C19orf67: variants seen among roughly 807,000 people sequenced by gnomAD.
C19orf67 encodes the protein UPF0575 protein C19orf67.
C19orf67 carries 28 observed loss-of-function variants against 41.4 expected under a neutral mutation model. The ratio of observed to expected loss-of-function variants is 0.68; its 90% CI spans 0.50 to 0.93. The LOEUF is 0.93. C19orf67 is among the 40% of genes least tolerant of loss of function. C19orf67 has a pLI of 0.00. For missense variants in C19orf67, 421 were observed against 467.0 expected, an observed-to-expected ratio of 0.90 and a Z score of 0.91; for synonymous variants, 242 against 203.4, an observed-to-expected ratio of 1.19 and a Z score of -1.62.
In C19orf67 at chr19:14,083,512, G is replaced by T. The variant is rs1283142621; in HGVS notation, c.574C>A (p.Pro192Thr). The T allele has an allele frequency of 6.5e-7, 1 of 1,535,738 alleles. No individual in the cohort carries two copies. The highest frequency in any genetic ancestry group is 8.7e-7 in the Non-Finnish European group (1 of 1,146,756). Residue 192 changes from proline (P) to threonine (T), a missense_variant, in exon 3 of 6, where the codon CCC becomes ACC. Pro to Thr is a conservative substitution (Grantham distance 38). Around this residue, in one of 3 missense-constraint regions of C19orf67, gnomAD observed 253 missense variants for 307.0 expected, o/e 0.82. Transcript: ENST00000548523. ...AGTCTCCTACCATTTTACCTAAGGGGGTTCATCTCCTCCAGGTCCACGAAC... is the reference window on the plus strand; with the variant it reads ...AGTCTCCTACCATTTTACCTAAGGGTGTTCATCTCCTCCAGGTCCACGAAC... ...FGFVDLEEMN[P>T]LSISCFFCGR... is the part of the protein sequence containing the mutation.
Position 14,085,492 on chromosome 19 carries a change from G to T in C19orf67, c.136C>A (p.Pro46Thr), listed in dbSNP as rs143750292. 5 of 1,535,350 alleles carry T rather than the reference G, an allele frequency of 3.3e-6. No individual in the cohort carries two copies. The highest frequency in any genetic ancestry group is 4.4e-6 in the Non-Finnish European group (5 of 1,146,768). ...GCATCTTCAGGATCCGGCTCAGATG[G>T]GTTCCCAGGCCTGCCAGGGGGCGTC... ...RSTPPGRPGNPSEPDPEDAEG... is the reference protein window; with the variant it reads ...RSTPPGRPGNTSEPDPEDAEG... Residue 46 changes from proline to threonine, a missense_variant, in exon 1 of 6, where the codon CCA (proline) becomes ACA (threonine). Transcript: ENST00000548523.
Position 14,081,776 on chromosome 19 carries a change from G to GC in C19orf67, c.*57dup. The GC allele has an allele frequency of 3.0e-6, 4 of 1,354,288 alleles. No individual in the cohort carries two copies. Among genetic ancestry groups the GC allele is most frequent in the Admixed American group, 2.9e-5 (1 of 34,124 alleles). The allele number at this position is 1,354,288 out of a possible 1,614,324, so 83.9% of individuals were successfully genotyped here. ...GCGAGAACGAGTGAGCCCCTCCCCT[G>GC]CCCCCTATTCTGGAGTTTGGAACTG... is the stretch of plus-strand genomic sequence containing the variant. On this transcript the variant is annotated 3_prime_UTR_variant, in exon 6 of 6. Coordinates refer to ENST00000548523, the MANE Select transcript of C19orf67 (RefSeq NM_001277378.2).
chr19:14,083,290 G>A lies in C19orf67; in HGVS notation c.714C>T (p.His238=), dbSNP rs778631445. 3.8e-5 allele frequency: 58 copies of A among 1,535,956 alleles called. No individual in the cohort carries two copies. The highest frequency in any genetic ancestry group is 3.2e-4 in the South Asian group (27 of 84,062). The change falls in exon 4 of 6, where the codon CAC becomes CAT. Residue 238 remains histidine (H), a synonymous_variant. Coordinates refer to ENST00000548523, the MANE Select transcript of C19orf67 (RefSeq NM_001277378.2). Reference sequence around the variant, plus strand: ...CAGGGGCCTCTGGGGTGGCTTCCAGGTGCCAGCGCATCTTCTTATAGAGGT... The same window carrying A: ...CAGGGGCCTCTGGGGTGGCTTCCAGATGCCAGCGCATCTTCTTATAGAGGT... ...PRYLYKKMRW[H]LEATPEAPGR... is the part of the protein sequence containing the mutation.
At position 14,083,276 on chromosome 19, in the gene C19orf67, G is replaced by A; in HGVS notation, c.728C>T (p.Pro243Leu). Residue 243 changes from proline (P) to leucine (L), a missense_variant, in exon 4 of 6, where the codon CCA becomes CTA. Pro to Leu is a moderately conservative substitution (Grantham distance 98). Coordinates refer to ENST00000548523, the MANE Select transcript of C19orf67 (RefSeq NM_001277378.2). ...ATCTTGTCCCCGACCAGGGGCCTCT[G>A]GGGTGGCTTCCAGGTGCCAGCGCAT... ...KKMRWHLEATPEAPGRGQDSL... is the reference protein window; with the variant it reads ...KKMRWHLEATLEAPGRGQDSL... 6.5e-7 allele frequency: 1 copy of A among 1,536,060 alleles called. No homozygotes were observed. Among genetic ancestry groups the A allele is most frequent in the Non-Finnish European group, 8.7e-7 (1 of 1,146,906 alleles).
Position 14,081,851 on chromosome 19 carries a change from C to A in C19orf67, c.1060G>T (p.Ala354Ser). 3 of 1,532,536 alleles carry A rather than the reference C, an allele frequency of 2.0e-6. No individual in the cohort carries two copies. Among genetic ancestry groups the A allele is most frequent in the Non-Finnish European group, 2.6e-6 (3 of 1,145,076 alleles). The allele number at this position is 1,532,536 out of a possible 1,614,324, so 94.9% of individuals were successfully genotyped here. A position where few individuals can be genotyped will look rare whatever the true frequency, so the allele number is the denominator to read the frequency against. The change falls in exon 6 of 6, where the codon GCA becomes TCA. Residue 354 changes from alanine (A) to serine (S), a missense_variant. Around this residue, in one of 3 missense-constraint regions of C19orf67, gnomAD observed 253 missense variants for 307.0 expected, o/e 0.82. Transcript: ENST00000548523. ...CCCCAGGTTCAAGACCCCTGCGCTG[C>A]CCACCCCGCAGGCCCGGCTGCGCTC... The part of the protein sequence containing the change: ...PPSAAGPAGW[A>S]AQGS
chr19:14,082,849 CTTTTTTT>C (rs374431275), intron 4 of C19orf67, among the ~76,000 whole-genome samples: 1 of 143,816 alleles, frequency 7.0e-6, no homozygotes, highest in Non-Finnish European at 1.5e-5. Flanking sequence ...TCCTGGTTCA[CTTTTTTT>C]TTTTTTTAAG....
chr19:14,083,104 G>T, intron 4 of C19orf67, 133 bp downstream of exon 4: 1 of 751,014 alleles, frequency 1.3e-6, no homozygotes, highest in Non-Finnish European at 2.2e-6. Context: ...GCCTCCCAAA[G>T]TGTTGGGATT....
At chr19:14,085,112 C>G (rs1976832205) in intron 1 of C19orf67, among the ~76,000 whole-genome samples, 181 bp downstream of exon 1, 1 of 152,174 alleles carries the variant, frequency 6.6e-6, no homozygotes, top group African/African-American at 2.4e-5. Context: ...CCATCCCCTA[C>G]CCGCAATTCT....
rs867435402 is a variant in C19orf67, at chr19:14,085,438, A to C, written c.190T>G (p.Ser64Ala). Residue 64 changes from serine to alanine, a missense_variant, in exon 1 of 6, where the codon TCC (serine) becomes GCC (alanine). Physicochemically the swap from Ser to Ala is moderately conservative, Grantham distance 99. This residue lies in a region of C19orf67 where 160 missense variants were observed against 139.2 expected (regional missense o/e 1.15). Coordinates refer to ENST00000548523, the MANE Select transcript of C19orf67 (RefSeq NM_001277378.2). ...AEGRLAEARA[S>A]TSSPKPLVPR... is the part of the protein sequence containing the mutation. ...ACCAGAGGTTTGGGGGAAGACGTGG[A>C]GGCCCGGGCCTCAGCCAGCCGCCCC... The C allele has an allele frequency of 6.5e-7, 1 of 1,535,734 alleles. No individual in the cohort carries two copies. The highest frequency in any genetic ancestry group is 1.7e-4 in the Middle Eastern group (1 of 5,990).
chr19:14,083,442 T>C lies in C19orf67; in HGVS notation c.582-20A>G. Reference sequence around the variant, plus strand: ...GAGATGCTGGCGAGACATGAGAGAATGGAGGGGTGAGGCTGGGCCTTGGAC... The same window carrying C: ...GAGATGCTGGCGAGACATGAGAGAACGGAGGGGTGAGGCTGGGCCTTGGAC... On this transcript the variant is annotated intron_variant, in intron 3 of 5. Transcript: ENST00000548523. The C allele has an allele frequency of 1.3e-6, 2 of 1,531,072 alleles. No individual in the cohort carries two copies. Among genetic ancestry groups the C allele is most frequent in the Non-Finnish European group, 1.7e-6 (2 of 1,143,014 alleles). The allele number at this position is 1,531,072 out of a possible 1,614,324, so 94.8% of individuals were successfully genotyped here.
At position 14,081,894 on chromosome 19, in the gene C19orf67, T is replaced by C. The variant is rs1321909874; in HGVS notation, c.1017A>G (p.Ala339=). 2 of 1,534,134 alleles carry C rather than the reference T, an allele frequency of 1.3e-6. No homozygotes were observed. The highest frequency in any genetic ancestry group is 2.7e-5 in the African/African-American group (2 of 72,938). ...CTGCGCTCGGAGGCCGGGCCTGGCC[T>C]GCCTGGCCCGTGAGGATCTGCACCA... The part of the protein sequence containing the change: ...DLLVQILTGQ[A]GQARPPSAAG... Residue 339 remains alanine (A), a synonymous_variant, in exon 6 of 6, where the codon GCA becomes GCG. Coordinates refer to ENST00000548523, the MANE Select transcript of C19orf67 (RefSeq NM_001277378.2).
At position 14,081,839 on chromosome 19, in the gene C19orf67, AC is replaced by A. The variant is rs1214131744; in HGVS notation, c.1071del (p.Ser358LeufsTer?). The A allele has an allele frequency of 3.3e-6, 5 of 1,527,638 alleles. No individual in the cohort carries two copies. In the South Asian group the frequency reaches 4.8e-5, roughly 15 times the overall value. The allele number at this position is 1,527,638 out of a possible 1,614,324, so 94.6% of individuals were successfully genotyped here. ...AAGPAGWAAQ[G>X]S ...TCCTACCCTCTTCCCCAGGTTCAAG[AC>A]CCCTGCGCTGCCCACCCCGCAGGCC... On this transcript the variant is annotated frameshift_variant, in exon 6 of 6. Transcript: ENST00000548523. LOFTEE classifies it high-confidence loss of function.
rs764332294 is a variant in C19orf67 at position 14,083,539 on chromosome 19, C to G, written c.547G>C (p.Gly183Arg). Residue 183 changes from glycine (G) to arginine (R), a missense_variant, in exon 3 of 6, where the codon GGG becomes CGG. This residue lies in a region of C19orf67 where 253 missense variants were observed against 307.0 expected (regional missense o/e 0.82). Coordinates refer to ENST00000548523, the MANE Select transcript of C19orf67 (RefSeq NM_001277378.2). ...TTCATCTCCTCCAGGTCCACGAACC[C>G]AAAGGAAGCGTACATGAGGACCAGC... ...EQLVLMYASF[G>R]FVDLEEMNPL... 2.0e-6 allele frequency: 3 copies of G among 1,536,046 alleles called. No homozygotes were observed. In the South Asian group the frequency reaches 3.6e-5, roughly 18 times the overall value.
chr19:14,085,362 C>T lies in C19orf67; in HGVS notation c.266G>A (p.Ser89Asn), dbSNP rs747907854. The T allele has an allele frequency of 1.3e-6, 2 of 1,536,200 alleles. No individual in the cohort carries two copies. Among genetic ancestry groups the T allele is most frequent in the Non-Finnish European group, 1.7e-6 (2 of 1,146,926 alleles). Residue 89 changes from serine to asparagine, a missense_variant, in exon 1 of 6, where the codon AGC (serine) becomes AAC (asparagine). Physicochemically the swap from Ser to Asn is conservative, Grantham distance 46. Coordinates refer to ENST00000548523, the MANE Select transcript of C19orf67 (RefSeq NM_001277378.2). ...PPRLSLDTLF[S>N]PITQQLRYLL... ...GTAGCGCAGCTGTTGGGTGATGGGG[C>T]TGAACAAAGTGTCCAGGGATAGGCG...
At chr19:14,083,671 A>G (rs1599321952) in intron 2 of C19orf67, 62 bp downstream of exon 2, 2 of 1,522,356 alleles carry the variant, frequency 1.3e-6, no homozygotes, top group East Asian at 4.9e-5. Context: ...CCCCTCCACC[A>G]TCCCCACAGG....
At chr19:14,082,320 T>TG (rs1250995750) in intron 5 of C19orf67, 149 bp downstream of exon 5, 3 of 874,826 alleles carry the variant, frequency 3.4e-6, no homozygotes, top group Non-Finnish European at 5.1e-6. Context: ...GGGTTGTTAC[T>TG]GGGGTCTGCA....
At chr19:14,082,407 T>C (rs1220224105) in intron 5 of C19orf67, 62 bp downstream of exon 5, 5 of 1,470,714 alleles carry the variant, frequency 3.4e-6, no homozygotes, top group Non-Finnish European at 4.5e-6. Context: ...GGATTGTCTT[T>C]GGTGGGGTTC....
intron 5 of C19orf67, 121 bp downstream of exon 5, chr19:14,082,348 C>T (rs1976781021): frequency 8.6e-7 from 1 of 1,159,054 alleles, no homozygotes; most frequent in South Asian, 1.6e-5. Context: ...CTTTTCAGGG[C>T]ACAATAAAAT....
rs918533895 is a variant in C19orf67 at position 14,083,365 on chromosome 19, G to A, written c.639C>T (p.Ile213=). 5.9e-6 allele frequency: 9 copies of A among 1,535,672 alleles called. No homozygotes were observed. The Admixed American group carries it at 7.9e-5, about 13-fold the overall frequency. ...FSISLSHEVS[I]FRYCAPTAYT... The stretch of plus-strand genomic sequence containing the variant: ...AGGCGGTTGGGGCACAGTATCTGAA[G>A]ATGGAGACCTCATGGGACAGGCTGA... Residue 213 remains isoleucine, a synonymous_variant, in exon 4 of 6, where the codon ATC becomes ATT. Coordinates refer to ENST00000548523, the MANE Select transcript of C19orf67 (RefSeq NM_001277378.2).
Sources: allele counts gnomAD v4.1 joint callset (sites outside exome capture counted in the v4.1 genomes callset), GRCh38; gene constraint gnomAD v4.1.1; regional missense constraint gnomAD v4.1.1; transcripts MANE v1.5; gene names NCBI Gene and HGNC (gene_info 2026-07-23, HGNC 2026-07-21).